BANF2: variants seen among roughly 807,000 people sequenced by gnomAD.
BANF2 encodes barrier-to-autointegration factor-like protein.
Under a neutral mutation model 8.0 loss-of-function variants are expected in BANF2, and 4 were observed. That is an observed-to-expected ratio of 0.50 (90% CI 0.25 to 1.14). The LOEUF is 1.14. Among genes scored for constraint, BANF2 ranks in the 50% most tolerant of loss-of-function variants. The pLI, the probability that BANF2 is intolerant of heterozygous loss-of-function variation, is 0.16. For synonymous variants in BANF2, 50 were observed against 40.6 expected (o/e 1.23, Z -0.88); for missense variants, 96 against 107.5 (o/e 0.89, Z 0.47).
At chr20:17,706,365 C>T (rs937908363) in intron 1 of BANF2, among the ~76,000 whole-genome samples, 1 of 152,136 alleles carries the variant, frequency 6.6e-6, no homozygotes, top group East Asian at 1.9e-4. Context: ...TATCATGACC[C>T]ATATAGATCA....
chr20:17,710,689 C>G (rs151302476), intron 1 of BANF2, among the ~76,000 whole-genome samples: 1 of 152,356 alleles, frequency 6.6e-6, no homozygotes, highest in East Asian at 1.9e-4. Context: ...GAGTGACAAG[C>G]TGCTGCAGTG....
chr20:17,712,701 C>A (rs1470922039), intron 1 of BANF2, among the ~76,000 whole-genome samples: 2 of 152,094 alleles, frequency 1.3e-5, no homozygotes, highest in African/African-American at 4.8e-5. Flanking sequence ...TGGGGAAACT[C>A]CTTCTCCCTC....
chr20:17,706,293 T>C (rs1197941344), intron 1 of BANF2, among the ~76,000 whole-genome samples: 1 of 152,126 alleles, frequency 6.6e-6, no homozygotes, highest in Non-Finnish European at 1.5e-5. Context: ...TTTGAGACCC[T>C]CATTCACCTG....
At chr20:17,708,466 T>C (rs2037520604) in intron 1 of BANF2, among the ~76,000 whole-genome samples, 1 of 152,212 alleles carries the variant, frequency 6.6e-6, no homozygotes, top group East Asian at 1.9e-4. Context: ...AACGTTGGGC[T>C]TCTCTTGAAA....
intron 1 of BANF2, among the ~76,000 whole-genome samples, chr20:17,702,537 T>C (rs904465326): frequency 6.6e-6 from 1 of 152,222 alleles, no homozygotes; most frequent in African/African-American, 2.4e-5. Flanking sequence ...AGAAGTCAGT[T>C]ACACAGACCT....
chr20:17,725,242 T>G (rs534427533), intron 3 of BANF2, 91 bp downstream of exon 3: 1 of 1,454,046 alleles, frequency 6.9e-7, no homozygotes, highest in Admixed American at 1.7e-5. Context: ...CGTGTCCCTG[T>G]GAAGGGCCAT....
chr20:17,725,271 C>A (rs1293227454), intron 3 of BANF2, 120 bp downstream of exon 3: 1 of 1,295,610 alleles, frequency 7.7e-7, no homozygotes, highest in Non-Finnish European at 1.1e-6. Flanking sequence ...AAAGCTGCCG[C>A]TTGGCGGGGT....
At chr20:17,716,457 C>T (rs1026135035) in intron 1 of BANF2, among the ~76,000 whole-genome samples, 11 of 152,172 alleles carry the variant, frequency 7.2e-5, no homozygotes, top group Non-Finnish European at 1.2e-4. Context: ...CCTCAGCCGC[C>T]CAAGTATCTG....
intron 1 of BANF2, among the ~76,000 whole-genome samples, chr20:17,711,049 C>T (rs1169012866): frequency 6.6e-6 from 1 of 152,244 alleles, no homozygotes; most frequent in Non-Finnish European, 1.5e-5. Flanking sequence ...ATACTTGGGC[C>T]ATACTTATAC....
intron 1 of BANF2, among the ~76,000 whole-genome samples, chr20:17,718,021 A>T (rs745377597): frequency 6.6e-6 from 1 of 152,256 alleles, no homozygotes; most frequent in Admixed American, 6.5e-5. Flanking sequence ...ATTTGATTTC[A>T]TAATTTAATT....
At chr20:17,716,841 CAAAAAAAA>C (rs36007590) in intron 1 of BANF2, among the ~76,000 whole-genome samples, 11 of 89,908 alleles carry the variant, frequency 1.2e-4, no homozygotes, top group Non-Finnish European at 1.6e-4. Context: ...GACTCCATCT[CAAAAAAAA>C]AAAAAAAAAA....
At chr20:17,707,398 C>T (rs1039275893) in intron 1 of BANF2, among the ~76,000 whole-genome samples, 3 of 112,702 alleles carry the variant, frequency 2.7e-5, no homozygotes, top group Non-Finnish European at 3.8e-5. Flanking sequence ...AAAGAAAATC[C>T]CAGTAAGGAT....
chr20:17,724,964 T>G, intron 2 of BANF2, 59 bp from the exon 3 acceptor site: 1 of 1,530,016 alleles, frequency 6.5e-7, no homozygotes, highest in Non-Finnish European at 9.0e-7. Flanking sequence ...CCAGTGTCCA[T>G]GCACACTGGG....
chr20:17,711,468 T>C (rs991217761), intron 1 of BANF2, among the ~76,000 whole-genome samples: 7 of 152,222 alleles, frequency 4.6e-5, no homozygotes, highest in Non-Finnish European at 1.0e-4. Flanking sequence ...TGGGGTTCCC[T>C]GGAAGCAGAG....
At chr20:17,724,601 T>A (rs1568817317) in intron 2 of BANF2, among the ~76,000 whole-genome samples, 1 of 152,258 alleles carries the variant, frequency 6.6e-6, no homozygotes, top group African/African-American at 2.4e-5. Context: ...TACACTATTA[T>A]ACAGTGTGAT....
chr20:17,694,297 G>T (rs371187599), intron 1 of BANF2, among the ~76,000 whole-genome samples: 11 of 152,138 alleles, frequency 7.2e-5, no homozygotes, highest in Non-Finnish European at 1.2e-4. Flanking sequence ...GGATGATTAG[G>T]TAAAGCCCCA....
intron 1 of BANF2, chr20:17,693,801 C>A: frequency 7.0e-7 from 1 of 1,427,726 alleles, no homozygotes; most frequent in Non-Finnish European, 9.6e-7. Flanking sequence ...AGAGGTGTGT[C>A]CAGTGGGAGG....
At chr20:17,715,802 CTT>C (rs1427233991) in intron 1 of BANF2, among the ~76,000 whole-genome samples, 1 of 152,228 alleles carries the variant, frequency 6.6e-6, no homozygotes, top group African/African-American at 2.4e-5. Context: ...ACAATCCTAA[CTT>C]AAACTGAAGT....
intron 1 of BANF2, among the ~76,000 whole-genome samples, chr20:17,719,712 G>C (rs1032100304): frequency 6.7e-6 from 1 of 150,028 alleles, no homozygotes; most frequent in South Asian, 2.1e-4. Flanking sequence ...AAGAGGAGCA[G>C]CTTGTTATTC....
Sources: allele counts gnomAD v4.1 joint callset (sites outside exome capture counted in the v4.1 genomes callset), GRCh38; gene constraint gnomAD v4.1.1; transcripts MANE v1.5; gene names NCBI Gene and HGNC (gene_info 2026-07-23, HGNC 2026-07-21).